Variants in IL17RA observed in about 807,000 individuals in gnomAD.
The protein encoded by IL17RA is interleukin 17 receptor A, also known as interleukin-17 receptor A.
A neutral mutation model predicts 50.4 loss-of-function variants in IL17RA; 34 were observed. The ratio of observed to expected loss-of-function variants is 0.67; its 90% confidence interval spans 0.51 to 0.90. The LOEUF (loss-of-function observed/expected upper bound fraction) is 0.90. Ranked by LOEUF, IL17RA falls within the 40% of genes least tolerant of loss-of-function variation. The pLI is 0.00. For synonymous variants in IL17RA, 585 were observed against 510.4 expected, an observed-to-expected ratio of 1.15 and a Z score of -1.97; for missense variants, 1,276 against 1,169.8, an observed-to-expected ratio of 1.09 and a Z score of -1.32.
intron 9 of IL17RA, 119 bp downstream of exon 9, chr22:17,104,929 C>T (rs1266528028): frequency 2.2e-6 from 2 of 918,004 alleles, no homozygotes; most frequent in Non-Finnish European, 1.7e-6. Context: ...TTTAGTTTAA[C>T]TTGGAGTCCT....
chr22:17,091,405 C>G (rs562103320), intron 1 of IL17RA, among the ~76,000 whole-genome samples: 4 of 152,224 alleles, frequency 2.6e-5, no homozygotes, highest in Non-Finnish European at 2.9e-5. Flanking sequence ...GGCCGGGCGC[C>G]GTAGCTTACG....
In IL17RA at chr22:17,109,309, CG is replaced by C; in HGVS notation, c.2095del (p.Glu699ArgfsTer46). ...ADGAAVRLAL[A>X]GEGEACPLLG... is the part of the protein sequence containing the mutation. ...GGTGCCGCAGTCCGGCTGGCACTGG[CG>C]GGGGAGGGCGAGGCCTGCCCGCTGC... On this transcript the variant is annotated frameshift_variant, in exon 13 of 13. Coordinates refer to ENST00000319363, the MANE Select transcript of IL17RA (RefSeq NM_014339.7). LOFTEE classifies it low-confidence loss of function (END_TRUNC). The C allele has an allele frequency of 1.3e-6, 2 of 1,528,384 alleles. No homozygotes were observed. Among genetic ancestry groups the C allele is most frequent in the African/African-American group, 1.4e-5 (1 of 73,108 alleles). The allele number at this position is 1,528,384 out of a possible 1,614,324, so 94.7% of individuals were successfully genotyped here.
At chr22:17,105,759 A>G in intron 10 of IL17RA, 94 bp from the exon 11 acceptor site, 1 of 1,402,164 alleles carries the variant, frequency 7.1e-7, no homozygotes, top group African/African-American at 1.4e-5. Flanking sequence ...GGGGCCAGAG[A>G]GGACAGAGCC....
intron 5 of IL17RA, 62 bp from the exon 6 acceptor site, chr22:17,101,934 T>A: frequency 6.3e-7 from 1 of 1,595,788 alleles, no homozygotes; most frequent in South Asian, 1.1e-5. Flanking sequence ...GTGTCAGGAG[T>A]CTGGAAGAAC....
In IL17RA at chr22:17,108,983, G is replaced by C; in HGVS notation, c.1764G>C (p.Glu588Asp). The C allele has an allele frequency of 6.2e-7, 1 of 1,604,230 alleles. No individual in the cohort carries two copies. Among genetic ancestry groups the C allele is most frequent in the South Asian group, 1.1e-5 (1 of 90,748 alleles). The change falls in exon 13 of 13, where the codon GAG becomes GAC. Residue 588 changes from glutamate (E) to aspartate (D), a missense_variant. Transcript: ENST00000319363. ...QVRCPDWFEC[E>D]NLYSADDQDA... ...GCTGTCCCGACTGGTTCGAATGTGAGAACCTCTACTCAGCAGATGACCAGG... is the reference window on the plus strand; with the variant it reads ...GCTGTCCCGACTGGTTCGAATGTGACAACCTCTACTCAGCAGATGACCAGG...
At position 17,108,727 on chromosome 22, in the gene IL17RA, A is replaced by G; in HGVS notation, c.1508A>G (p.Tyr503Cys). ...TGCTTCGGCACCTACGTAGTCTGCT[A>G]CTTCAGCGAGGTCAGCTGTGACGGC... is the stretch of plus-strand genomic sequence containing the variant. ...PACFGTYVVC[Y>C]FSEVSCDGDV... Residue 503 changes from tyrosine (Y) to cysteine (C), a missense_variant, in exon 13 of 13, where the codon TAC (tyrosine) becomes TGC (cysteine). Transcript: ENST00000319363. The G allele has an allele frequency of 6.2e-7, 1 of 1,611,638 alleles. No individual in the cohort carries two copies. Among genetic ancestry groups the G allele is most frequent in the East Asian group, 2.2e-5 (1 of 44,854 alleles).
Position 17,109,263 on chromosome 22 carries a change from G to A in IL17RA, c.2044G>A (p.Glu682Lys). The change falls in exon 13 of 13, where the codon GAG becomes AAG. Residue 682 changes from glutamate (E) to lysine (K), a missense_variant. Coordinates refer to ENST00000319363, the MANE Select transcript of IL17RA (RefSeq NM_014339.7). ...GGAGGGGGCCCTGGTGGCCGCGGTG[G>A]AGCCTGGGCCCCTGGCTGACGGTGC... Reference protein sequence around the residue: ...AEEGALVAAVEPGPLADGAAV... With the variant: ...AEEGALVAAVKPGPLADGAAV... 1 of 1,500,400 alleles carries A rather than the reference G, an allele frequency of 6.7e-7. No individual in the cohort carries two copies. Among genetic ancestry groups the A allele is most frequent in the Non-Finnish European group, 8.8e-7 (1 of 1,130,552 alleles). 92.9% of individuals were successfully genotyped at this position (1,500,400 alleles called of 1,614,324 possible). A position where few individuals can be genotyped will look rare whatever the true frequency, so the allele number is the denominator to read the frequency against.
chr22:17,100,173 G>A (rs1364213378), intron 4 of IL17RA, among the ~76,000 whole-genome samples, 182 bp from the exon 5 acceptor site: 3 of 148,812 alleles, frequency 2.0e-5, no homozygotes, highest in Admixed American at 6.8e-5. Context: ...AGGCAGAAAG[G>A]ACCAGAGGAA....
At position 17,109,705 on chromosome 22, in the gene IL17RA, C is replaced by G; in HGVS notation, c.2486C>G (p.Ser829Cys). 1 of 1,591,168 alleles carries G rather than the reference C, an allele frequency of 6.3e-7. No individual in the cohort carries two copies. Among genetic ancestry groups the G allele is most frequent in the Non-Finnish European group, 8.5e-7 (1 of 1,169,682 alleles). ...QDPGKPALPL[S>C]PEDLESLRSL... Reference sequence around the variant, plus strand: ...CCAGGGAAGCCGGCCCTGCCACTCTCTCCCGAGGACCTGGAGAGCCTGAGG... The same window carrying G: ...CCAGGGAAGCCGGCCCTGCCACTCTGTCCCGAGGACCTGGAGAGCCTGAGG... The change falls in exon 13 of 13, where the codon TCT (serine) becomes TGT (cysteine). Residue 829 changes from serine to cysteine, a missense_variant. Physicochemically the swap from Ser to Cys is moderately radical, Grantham distance 112. Coordinates refer to ENST00000319363, the MANE Select transcript of IL17RA (RefSeq NM_014339.7).
intron 1 of IL17RA, among the ~76,000 whole-genome samples, chr22:17,087,557 GA>G (rs2061332700): frequency 1.3e-5 from 2 of 152,212 alleles, no homozygotes; most frequent in African/African-American, 4.8e-5. Flanking sequence ...ATGAATGAAG[GA>G]AAGAACGGTC....
Position 17,091,416 on chromosome 22 carries a change from C to G in IL17RA, c.139-5646C>G, listed in dbSNP as rs529262822. Among the ~76,000 whole-genome samples the G allele has an allele frequency of 1.9e-4, 29 of 152,282 alleles. No homozygotes were observed. The East Asian group carries it at 5.4e-3, about 28-fold the overall frequency. ...TATTGGCCGGGCGCCGTAGCTTACG[C>G]CTATAATCCCAGCACTTTGGGAGGC... On this transcript the variant is annotated intron_variant, in intron 1 of 12. Coordinates refer to ENST00000319363, the MANE Select transcript of IL17RA (RefSeq NM_014339.7).
chr22:17,102,810 A>G (rs1211461276), intron 7 of IL17RA, among the ~76,000 whole-genome samples: 4 of 152,152 alleles, frequency 2.6e-5, no homozygotes, highest in African/African-American at 9.7e-5. Flanking sequence ...GTCTCTAAAA[A>G]AGAAAATAAA....
Position 17,102,246 on chromosome 22 carries a change from A to G in IL17RA, c.706A>G (p.Ser236Gly). Residue 236 changes from serine to glycine, a missense_variant, in exon 7 of 13, where the codon AGT becomes GGT. By Grantham distance (56) the Ser-to-Gly change is moderately conservative. Coordinates refer to ENST00000319363, the MANE Select transcript of IL17RA (RefSeq NM_014339.7). ...ESTHYQILLT[S>G]FPHMENHSCF... ...TACCCATTACCAGATCCTGCTGACC[A>G]GTTTTCCGCACATGGAGAACCACAG... 7 of 1,614,146 alleles carry G rather than the reference A, an allele frequency of 4.3e-6. No homozygotes were observed. The highest frequency in any genetic ancestry group is 5.9e-6 in the Non-Finnish European group (7 of 1,180,036).
At position 17,108,843 on chromosome 22, in the gene IL17RA, T is replaced by C; in HGVS notation, c.1624T>C (p.Phe542Leu). ...VYFRIQDLEM[F>L]QPGRMHRVGE... ...CTTCCGCATCCAGGACCTGGAGATG[T>C]TCCAGCCGGGCCGCATGCACCGCGT... The change falls in exon 13 of 13, where the codon TTC (phenylalanine) becomes CTC (leucine). Residue 542 changes from phenylalanine to leucine, a missense_variant. Coordinates refer to ENST00000319363, the MANE Select transcript of IL17RA (RefSeq NM_014339.7). 2 of 1,607,972 alleles carry C rather than the reference T, an allele frequency of 1.2e-6. No homozygotes were observed. The highest frequency in any genetic ancestry group is 1.7e-6 in the Non-Finnish European group (2 of 1,177,446).
Position 17,108,700 on chromosome 22 carries a change from C to T in IL17RA, c.1481C>T (p.Ala494Val). 6.2e-7 allele frequency: 1 copy of T among 1,609,780 alleles called. No individual in the cohort carries two copies. The change falls in exon 13 of 13, where the codon GCC becomes GTC. Residue 494 changes from alanine to valine, a missense_variant. Coordinates refer to ENST00000319363, the MANE Select transcript of IL17RA (RefSeq NM_014339.7). ...NMILPDFKRP[A>V]CFGTYVVCYF... ...ATCCTCCCGGACTTCAAGAGGCCAG[C>T]CTGCTTCGGCACCTACGTAGTCTGC...
chr22:17,100,858 TG>T (rs1436156508), intron 5 of IL17RA, among the ~76,000 whole-genome samples: 5 of 152,180 alleles, frequency 3.3e-5, no homozygotes, highest in African/African-American at 1.2e-4. Context: ...CCAGCCTCCG[TG>T]GCTTGCTCTT....
Position 17,105,885 on chromosome 22 carries a change from A to G in IL17RA, c.976A>G (p.Thr326Ala). 1 of 1,614,118 alleles carries G rather than the reference A, an allele frequency of 6.2e-7. No individual in the cohort carries two copies. Among genetic ancestry groups the G allele is most frequent in the Non-Finnish European group, 8.5e-7 (1 of 1,180,020 alleles). The change falls in exon 11 of 13, where the codon ACG (threonine) becomes GCG (alanine). Residue 326 changes from threonine to alanine, a missense_variant. Transcript: ENST00000319363. ...YMPLWVYWFI[T>A]GISILLVGSV... ...GCCCCTGTGGGTGTACTGGTTCATC[A>G]CGGGCATCTCCATCCTGCTGGTGGG...
chr22:17,108,222 G>T, intron 12 of IL17RA, 85 bp from the exon 13 acceptor site: 1 of 1,402,310 alleles, frequency 7.1e-7, no homozygotes, highest in Non-Finnish European at 1.0e-6. Flanking sequence ...TCTGTGTCCT[G>T]GTCCAGGCCC....
rs1435469907 is a variant in IL17RA, at chr22:17,112,689, C to T, written c.*2869C>T. 6.6e-6 allele frequency: 1 copy of T among 152,166 alleles called. No individual in the cohort carries two copies. The allele number at this position is 152,166 out of a possible 1,614,324, so 9.4% of individuals were successfully genotyped here. A position where few individuals can be genotyped will look rare whatever the true frequency, so the allele number is the denominator to read the frequency against. The stretch of plus-strand genomic sequence containing the variant: ...ATGGTGTTTGCTGTCCGCTGAATGC[C>T]AAGAGCTTCAAGAGTGTGTGTAAAT... On this transcript the variant is annotated 3_prime_UTR_variant, in exon 13 of 13. Coordinates refer to ENST00000319363, the MANE Select transcript of IL17RA (RefSeq NM_014339.7).
Sources: gnomAD v4.1 joint callset for allele counts (sites outside exome capture counted in the v4.1 genomes callset) on GRCh38, gnomAD v4.1.1 for gene constraint, MANE v1.5 for transcripts, NCBI Gene and HGNC (gene_info 2026-07-23, HGNC 2026-07-21) for gene names.